Variants in EXOC4 observed in about 807,000 individuals in gnomAD.
EXOC4 encodes SEC8-like 1.
In EXOC4, 71 loss-of-function variants were observed where a neutral mutation model predicts 107.2. That is an observed-to-expected ratio of 0.66 (90% confidence interval 0.55 to 0.81). The LOEUF is 0.81. EXOC4 is among the 30% of genes least tolerant of loss of function. The probability of loss-of-function intolerance (pLI) is 0.00; values close to 1 mark genes in which losing one functional copy is unlikely to be tolerated. For missense variants in EXOC4, 1,108 were observed against 1,189.6 expected, an observed-to-expected ratio of 0.93 and a Z score of 1.01; for synonymous variants, 456 against 441.2, an observed-to-expected ratio of 1.03 and a Z score of -0.42.
intron 10 of EXOC4, among the ~76,000 whole-genome samples, chr7:133,749,664 G>A (rs758230444): frequency 6.6e-6 from 1 of 152,192 alleles, no homozygotes; most frequent in African/African-American, 2.4e-5. Flanking sequence ...AAAGTGCTGG[G>A]ATTACAGGCA....
At chr7:133,290,042 A>G (rs1794368180) in intron 3 of EXOC4, among the ~76,000 whole-genome samples, 1 of 152,248 alleles carries the variant, frequency 6.6e-6, no homozygotes, top group East Asian at 1.9e-4. Flanking sequence ...TAATTCATTC[A>G]GACTTCCAAG....
intron 5 of EXOC4, among the ~76,000 whole-genome samples, chr7:133,349,014 G>A (rs1795848570): frequency 6.6e-6 from 1 of 152,058 alleles, no homozygotes; most frequent in Admixed American, 6.6e-5. Context: ...GGGATCTAAT[G>A]AGCTTAGTAA....
chr7:134,078,025 G>T, the EXOC4 span, among the ~76,000 whole-genome samples: 1 of 152,190 alleles, frequency 6.6e-6, no homozygotes, highest in Non-Finnish European at 1.5e-5. Flanking sequence ...CCTGGATCTG[G>T]CTGTGCCTGT....
intron 9 of EXOC4, among the ~76,000 whole-genome samples, chr7:133,546,494 G>T (rs998924398): frequency 1.3e-5 from 2 of 152,054 alleles, no homozygotes; most frequent in African/African-American, 4.8e-5. Flanking sequence ...CACCTCAAGC[G>T]ATCTGCCTGC....
Position 133,417,860 on chromosome 7 carries a change from A to G in EXOC4, c.1182+42858A>G, listed in dbSNP as rs150441755. Among the ~76,000 whole-genome samples the G allele has an allele frequency of 2.2e-3, 336 of 152,308 alleles. 4 individuals are homozygous for G. The East Asian group carries it at 0.045, about 20-fold the overall frequency. On this transcript the variant is annotated intron_variant, in intron 7 of 17. Coordinates refer to ENST00000253861, the MANE Select transcript of EXOC4 (RefSeq NM_021807.4). ...AATTTATTTGTAGACTGTGCATGTGAAACATTAGAATTCTTTATAGATTTC... is the reference window on the plus strand; with the variant it reads ...AATTTATTTGTAGACTGTGCATGTGGAACATTAGAATTCTTTATAGATTTC...
At chr7:133,445,884 C>T (rs550560159) in intron 7 of EXOC4, among the ~76,000 whole-genome samples, 14 of 152,000 alleles carry the variant, frequency 9.2e-5, no homozygotes, top group African/African-American at 2.4e-4. Flanking sequence ...GGCATGGTGG[C>T]GCATGCCTGC....
downstream of EXOC4, chr7:134,066,694 AC>A (rs1428039926): frequency 6.6e-6 from 1 of 152,170 alleles, no homozygotes; most frequent in Non-Finnish European, 1.5e-5. Context: ...TTTTGGTCCT[AC>A]TTAGGAGTAT....
At chr7:133,382,824 T>C (rs1299088576) in intron 7 of EXOC4, among the ~76,000 whole-genome samples, 2 of 152,210 alleles carry the variant, frequency 1.3e-5, no homozygotes, top group Admixed American at 6.5e-5. Context: ...TTCAGCAGTT[T>C]TTTTCCACTG....
intron 7 of EXOC4, among the ~76,000 whole-genome samples, chr7:133,435,943 A>G (rs1338287268): frequency 1.3e-5 from 2 of 151,664 alleles, no homozygotes; most frequent in Admixed American, 6.6e-5. Context: ...TTGTGATTAA[A>G]TATTTGGTTA....
rs116881079 is a variant in EXOC4 at position 133,315,047 on chromosome 7, T to C, written c.657-2237T>C. On this transcript the variant is annotated intron_variant, in intron 4 of 17. Coordinates refer to ENST00000253861, the MANE Select transcript of EXOC4 (RefSeq NM_021807.4). ...ATTTTCTCTCCTGTGTGTTTTTGTGTTGCTTCTTCATGGTCCATGATGTGA... is the reference window on the plus strand; with the variant it reads ...ATTTTCTCTCCTGTGTGTTTTTGTGCTGCTTCTTCATGGTCCATGATGTGA... 1,569 of 153,420 alleles carry C rather than the reference T, an allele frequency of 0.01. 91 individuals are homozygous for C. In the South Asian group the frequency reaches 0.14, roughly 13 times the overall value. 9.5% of individuals were successfully genotyped at this position (153,420 alleles called of 1,614,324 possible). A position where few individuals can be genotyped will look rare whatever the true frequency, so the allele number is the denominator to read the frequency against.
At chr7:133,659,181 A>T (rs910396513) in intron 10 of EXOC4, among the ~76,000 whole-genome samples, 9 of 151,972 alleles carry the variant, frequency 5.9e-5, no homozygotes, top group African/African-American at 2.2e-4. Flanking sequence ...GTTTAGTTCC[A>T]TGATTTCTTG....
intron 10 of EXOC4, among the ~76,000 whole-genome samples, chr7:133,722,398 A>G (rs1222513404): frequency 6.6e-6 from 1 of 152,218 alleles, no homozygotes; most frequent in South Asian, 2.1e-4. Context: ...GAAAATAGTT[A>G]ATGTCTTTCT....
intron 3 of EXOC4, among the ~76,000 whole-genome samples, chr7:133,302,711 T>C (rs954776747): frequency 3.0e-4 from 46 of 152,304 alleles, no homozygotes; most frequent in African/African-American, 1.1e-3. Flanking sequence ...CATTATTCAG[T>C]GTTGCGTGTC....
intron 9 of EXOC4, among the ~76,000 whole-genome samples, chr7:133,577,677 T>C (rs1801162030): frequency 1.3e-5 from 2 of 152,216 alleles, no homozygotes; most frequent in African/African-American, 4.8e-5. Flanking sequence ...GTATGCTCTT[T>C]GCAGTCTAAT....
chr7:133,722,398 A>C (rs1222513404), intron 10 of EXOC4, among the ~76,000 whole-genome samples: 1 of 152,218 alleles, frequency 6.6e-6, no homozygotes, highest in African/African-American at 2.4e-5. Context: ...GAAAATAGTT[A>C]ATGTCTTTCT....
chr7:133,265,328 T>C lies in EXOC4; in HGVS notation c.87-9654T>C, dbSNP rs555276577. On this transcript the variant is annotated intron_variant, in intron 1 of 17. Transcript: ENST00000253861. ...TCTCTATCTAGTACTCTTTCCATTA[T>C]GTAGTTTAAGAAATTTCACTGGGGC... 6.6e-5 allele frequency among the ~76,000 whole-genome samples: 10 copies of C among 152,042 alleles called. No homozygotes were observed. In the East Asian group the frequency reaches 1.9e-3, roughly 29 times the overall value.
At chr7:133,375,699 A>G (rs1023122024) in intron 7 of EXOC4, among the ~76,000 whole-genome samples, 3 of 152,148 alleles carry the variant, frequency 2.0e-5, no homozygotes, top group Admixed American at 1.3e-4. Flanking sequence ...ACTTTTGCAT[A>G]TATTGGGTTA....
chr7:134,086,393 C>T, the EXOC4 span, among the ~76,000 whole-genome samples: 26,303 of 152,160 alleles, frequency 0.17, 3,051 homozygotes, highest in African/African-American at 0.33. Flanking sequence ...CAAAATTATT[C>T]GAAGTATTGT....
chr7:133,334,952 T>C (rs571248701), intron 5 of EXOC4, among the ~76,000 whole-genome samples: 1 of 152,250 alleles, frequency 6.6e-6, no homozygotes, highest in African/African-American at 2.4e-5. Context: ...GTACTACATT[T>C]TCTTTATCTG....
Sources: gnomAD v4.1 joint callset for allele counts (sites outside exome capture counted in the v4.1 genomes callset) on GRCh38, gnomAD v4.1.1 for gene constraint, MANE v1.5 for transcripts, NCBI Gene and HGNC (gene_info 2026-07-23, HGNC 2026-07-21) for gene names.